USP9X: variants seen among roughly 807,000 people sequenced by gnomAD.
The protein encoded by USP9X is ubiquitin specific peptidase 9 X-linked.
Under a neutral mutation model 190.3 loss-of-function variants are expected in USP9X, and 7 were observed. The ratio of observed to expected loss-of-function variants is 0.04; its 90% CI spans 0.02 to 0.07. USP9X has a LOEUF of 0.07. Among genes scored for constraint, USP9X ranks in the 10% least tolerant of loss-of-function variants. The probability of loss-of-function intolerance (pLI) is 1.00; values close to 1 mark genes in which losing one functional copy is unlikely to be tolerated. For missense variants in USP9X, 1,010 were observed against 1,916.9 expected (o/e 0.53, Z 8.83); for synonymous variants, 645 against 659.5 (o/e 0.98, Z 0.34).
chrX:41,203,596 C>T (rs1264481845), intron 31 of USP9X, among the ~76,000 whole-genome samples: 6 of 112,400 alleles, frequency 5.3e-5, no homozygotes, highest in African/African-American at 1.6e-4. Flanking sequence ...CTGCCATGAA[C>T]ATGGATATAC....
At chrX:41,124,041 T>TCAAAAA (rs1297371628) in intron 2 of USP9X, among the ~76,000 whole-genome samples, 2 of 110,021 alleles carry the variant, frequency 1.8e-5, no homozygotes, top group African/African-American at 6.6e-5. Flanking sequence ...AGTCTCTGTC[T>TCAAAAA]CAAAAACAAA....
At chrX:41,152,564 T>C (rs1451871685) in intron 13 of USP9X, among the ~76,000 whole-genome samples, 1 of 111,983 alleles carries the variant, frequency 8.9e-6, no homozygotes, top group Non-Finnish European at 1.9e-5. Flanking sequence ...TTTCTTTGAT[T>C]GAATTCTTCC....
chrX:41,161,310 A>G (rs1310547835), intron 14 of USP9X, among the ~76,000 whole-genome samples: 1 of 98,802 alleles, frequency 1.0e-5, no homozygotes. Context: ...ACAGGTAAAG[A>G]GTATAAGAGA....
At chrX:41,157,399 A>G (rs1662231977) in intron 14 of USP9X, among the ~76,000 whole-genome samples, 1 of 111,156 alleles carries the variant, frequency 9.0e-6, no homozygotes, top group African/African-American at 3.3e-5. Context: ...CTACTAGTCA[A>G]GGAGGCTTAA....
Position 41,140,737 on chromosome X carries a change from G to T in USP9X, c.736G>T (p.Ala246Ser), listed in dbSNP as rs1295342871. 8.3e-7 allele frequency: 1 copy of T among 1,201,826 alleles called. No homozygotes were observed. The highest frequency in any genetic ancestry group is 1.1e-6 in the Non-Finnish European group (1 of 891,885). ...ILHDRFINGS[A>S]LNVQIIAALI... Reference sequence around the variant, plus strand: ...GCATGATCGTTTTATTAATGGATCAGCATTAAACGTTCAAATAATTGCAGC... The same window carrying T: ...GCATGATCGTTTTATTAATGGATCATCATTAAACGTTCAAATAATTGCAGC... The change falls in exon 7 of 45, where the codon GCA becomes TCA. Residue 246 changes from alanine to serine, a missense_variant. By Grantham distance (99) the Ala-to-Ser change is moderately conservative. This residue lies in a region of USP9X where 176 missense variants were observed against 247.5 expected (regional missense o/e 0.71). Coordinates refer to ENST00000378308, the MANE Select transcript of USP9X (RefSeq NM_001039591.3).
chrX:41,128,615 A>G (rs1340292896), intron 2 of USP9X, among the ~76,000 whole-genome samples: 2 of 112,013 alleles, frequency 1.8e-5, no homozygotes, highest in Admixed American at 1.9e-4. Flanking sequence ...GGATAGCAAA[A>G]TTGGTGTATG....
chrX:41,195,418 A>T (rs2147186640), intron 26 of USP9X, among the ~76,000 whole-genome samples: 1 of 111,249 alleles, frequency 9.0e-6, no homozygotes, highest in South Asian at 3.8e-4. Context: ...AGTATTTCTG[A>T]TTCAGGAGGT....
At chrX:41,221,394 TGTA>T (rs2063262740) in intron 38 of USP9X, among the ~76,000 whole-genome samples, 2 of 112,138 alleles carry the variant, frequency 1.8e-5, no homozygotes, top group Admixed American at 9.5e-5. Context: ...AAGCAAATAA[TGTA>T]GTTGCCATAA....
intron 41 of USP9X, among the ~76,000 whole-genome samples, chrX:41,227,520 T>A (rs1227383007): frequency 2.7e-5 from 3 of 111,968 alleles, no homozygotes; most frequent in Non-Finnish European, 5.6e-5. Context: ...TTACTTTGAC[T>A]TTAAACATAC....
At position 41,224,738 on chromosome X, in the gene USP9X, C is replaced by T. The variant is rs2063298237; in HGVS notation, c.6752-4C>T. ...TTTTTATTGGTGACAAATCTGTATT[C>T]TAGGTAATCCTCCTCTTCCCAATCC... is the stretch of plus-strand genomic sequence containing the variant. On this transcript the variant is annotated splice_polypyrimidine_tract_variant and splice_region_variant and intron_variant, in intron 39 of 44. Transcript: ENST00000378308. The T allele has an allele frequency of 8.4e-7, 1 of 1,196,882 alleles. No individual in the cohort carries two copies. Among genetic ancestry groups the T allele is most frequent in the Non-Finnish European group, 1.1e-6 (1 of 883,453 alleles).
chrX:41,192,536 A>T (rs1463809189), intron 26 of USP9X, among the ~76,000 whole-genome samples: 7 of 112,180 alleles, frequency 6.2e-5, no homozygotes, highest in African/African-American at 2.3e-4. Flanking sequence ...CTCCTGGGAT[A>T]GTGCTTTCAG....
At chrX:41,125,392 T>G (rs2062228681) in intron 2 of USP9X, among the ~76,000 whole-genome samples, 1 of 109,006 alleles carries the variant, frequency 9.2e-6, no homozygotes, top group African/African-American at 3.3e-5. Context: ...TTTTTTTTTT[T>G]TAAGTGGAGG....
At chrX:41,124,092 A>G (rs2062214814) in intron 2 of USP9X, among the ~76,000 whole-genome samples, 1 of 110,084 alleles carries the variant, frequency 9.1e-6, no homozygotes, top group African/African-American at 3.3e-5. Context: ...TTGGGGTACT[A>G]AATGATGGAA....
chrX:41,115,471 C>T (rs2062142157), intron 1 of USP9X, among the ~76,000 whole-genome samples: 1 of 111,780 alleles, frequency 8.9e-6, no homozygotes, highest in Admixed American at 9.5e-5. Flanking sequence ...AGATTAATTT[C>T]CAAGTCAAGA....
chrX:41,223,507 G>GGCTCACTGTAACCTCC (rs1208107105), intron 39 of USP9X, 105 bp downstream of exon 39: 2 of 863,067 alleles, frequency 2.3e-6, no homozygotes. Flanking sequence ...GCGTGATCTC[G>GGCTCACTGTAACCTCC]GCTCACTGTA....
chrX:41,232,647 GT>G lies in USP9X; in HGVS notation c.*126del. ...ATTCCTAATCAACATGGAGTGGAGA[GT>G]TTATTCACTGTCTTATCTGCAGAAA... On this transcript the variant is annotated 3_prime_UTR_variant, in exon 45 of 45. Transcript: ENST00000378308. 1 of 927,341 alleles carries G rather than the reference GT, an allele frequency of 1.1e-6. No individual in the cohort carries two copies. The highest frequency in any genetic ancestry group is 1.5e-6 in the Non-Finnish European group (1 of 685,306). 76.4% of individuals were successfully genotyped at this position (927,341 alleles called of 1,213,427 possible). A position where few individuals can be genotyped will look rare whatever the true frequency, so the allele number is the denominator to read the frequency against.
rs972309597 is a variant in USP9X at position 41,210,358 on chromosome X, C to T, written c.5016-151C>T. 5 of 545,288 alleles carry T rather than the reference C, an allele frequency of 9.2e-6. No individual in the cohort carries two copies. In the Admixed American group the frequency reaches 1.2e-4, roughly 13 times the overall value. 44.9% of individuals were successfully genotyped at this position (545,288 alleles called of 1,213,427 possible). On this transcript the variant is annotated intron_variant, in intron 32 of 44. Transcript: ENST00000378308. The stretch of plus-strand genomic sequence containing the variant: ...TACAGGGAAAGCACATTCTTTTTTT[C>T]CTACTTTTTCCATGTAATTGAGGAA...
At chrX:41,119,491 G>T (rs1240345558) in intron 1 of USP9X, among the ~76,000 whole-genome samples, 1 of 111,468 alleles carries the variant, frequency 9.0e-6, no homozygotes, top group Admixed American at 9.5e-5. Flanking sequence ...TTCAAGCACA[G>T]GCTGGGAAAA....
At chrX:41,088,382 TAATG>T (rs2061929099) in intron 1 of USP9X, among the ~76,000 whole-genome samples, 1 of 112,310 alleles carries the variant, frequency 8.9e-6, no homozygotes, top group African/African-American at 3.2e-5. Flanking sequence ...ATGGTGGTAA[TAATG>T]CAGCTTATGG....
Sources: allele counts gnomAD v4.1 joint callset (sites outside exome capture counted in the v4.1 genomes callset), GRCh38; gene constraint gnomAD v4.1.1; regional missense constraint gnomAD v4.1.1; transcripts MANE v1.5; gene names NCBI Gene and HGNC (gene_info 2026-07-23, HGNC 2026-07-21).